Variants in SLF1 observed in about 807,000 individuals in gnomAD.
SLF1 encodes the protein SMC5-SMC6 complex localization factor protein 1.
A neutral mutation model predicts 123.0 loss-of-function variants in SLF1; 105 were observed. The observed-to-expected ratio is 0.85, with a 90% CI of 0.73 to 1.00. The LOEUF is 1.00. SLF1 is among the 50% of genes least tolerant of loss of function. The pLI is 0.00. For missense variants in SLF1, 1,239 were observed against 1,223.0 expected (o/e 1.01, Z -0.20); for synonymous variants, 434 against 406.6 (o/e 1.07, Z -0.81).
intron 9 of SLF1, among the ~76,000 whole-genome samples, chr5:94,656,103 T>G (rs1031611051): frequency 6.6e-6 from 1 of 152,126 alleles, no homozygotes; most frequent in Non-Finnish European, 1.5e-5. Context: ...TGACCTTTGT[T>G]ATGTTGAAGT....
Position 94,637,960 on chromosome 5 carries a change from G to T in SLF1, c.432-5313G>T, listed in dbSNP as rs148518629. 1.9e-4 allele frequency among the ~76,000 whole-genome samples: 29 copies of T among 152,050 alleles called. No homozygotes were observed. In the South Asian group the frequency reaches 2.3e-3, roughly 12 times the overall value. ...GATGTGGTGAGTCTCTCACTCCCTG[G>T]GTGAGGCCATGGGGTAGGATTTGAG... is the stretch of plus-strand genomic sequence containing the variant. On this transcript the variant is annotated intron_variant, in intron 4 of 20. Coordinates refer to ENST00000265140, the MANE Select transcript of SLF1 (RefSeq NM_032290.4).
At chr5:94,635,932 T>C (rs185835533) in intron 4 of SLF1, among the ~76,000 whole-genome samples, 1 of 152,346 alleles carries the variant, frequency 6.6e-6, no homozygotes, top group African/African-American at 2.4e-5. Flanking sequence ...AGTGGCCTTT[T>C]GATATAGCTT....
chr5:94,689,515 GA>G lies in SLF1; in HGVS notation c.2333del (p.Lys778ArgfsTer17). 1 of 1,612,210 alleles carries G rather than the reference GA, an allele frequency of 6.2e-7. No homozygotes were observed. The highest frequency in any genetic ancestry group is 1.3e-5 in the African/African-American group (1 of 74,950). The stretch of plus-strand genomic sequence containing the variant: ...AATGTTCCTCATCATTAAAAAAATT[GA>G]AAAAGAAGTCAGAAGGAGAATTGTC... ...AKCSSSLKKL[K>X]KKSEGELSCS... On this transcript the variant is annotated frameshift_variant, in exon 18 of 21. Transcript: ENST00000265140. LOFTEE classifies it high-confidence loss of function.
Position 94,691,948 on chromosome 5 carries a change from C to G in SLF1, c.2513-126C>G, listed in dbSNP as rs555061069. The G allele has an allele frequency of 7.0e-4, 584 of 831,952 alleles. 1 individual carries two copies. Among genetic ancestry groups the G allele is most frequent in the Middle Eastern group, 1.9e-3 (5 of 2,666 alleles). 51.5% of individuals were successfully genotyped at this position (831,952 alleles called of 1,614,324 possible). Reference sequence around the variant, plus strand: ...ATGATTACACCCTAGACATTTTTATCACAGCATTCTTTTTGTATATGAAGC... The same window carrying G: ...ATGATTACACCCTAGACATTTTTATGACAGCATTCTTTTTGTATATGAAGC... On this transcript the variant is annotated intron_variant, in intron 19 of 20. Transcript: ENST00000265140.
Position 94,666,126 on chromosome 5 carries a change from A to G in SLF1, c.1532+102A>G, listed in dbSNP as rs1749726676. On this transcript the variant is annotated intron_variant, in intron 12 of 20. Coordinates refer to ENST00000265140, the MANE Select transcript of SLF1 (RefSeq NM_032290.4). ...GAAAGAAGTATCTTTCTACTTTTGG[A>G]AAAGTTTTGTTGCAAATACAAATAT... The G allele has an allele frequency of 3.3e-6, 4 of 1,196,100 alleles. No homozygotes were observed. The South Asian group carries it at 5.2e-5, about 16-fold the overall frequency. 74.1% of individuals were successfully genotyped at this position (1,196,100 alleles called of 1,614,324 possible).
At chr5:94,637,834 T>C (rs1745990405) in intron 4 of SLF1, among the ~76,000 whole-genome samples, 1 of 152,066 alleles carries the variant, frequency 6.6e-6, no homozygotes, top group Non-Finnish European at 1.5e-5. Flanking sequence ...GGCGGTCCTT[T>C]CCCATCCTAA....
In SLF1 at chr5:94,663,911, A is replaced by G. The variant is rs1466297950; in HGVS notation, c.1368+3A>G. On this transcript the variant is annotated splice_donor_region_variant and intron_variant, in intron 11 of 20. Coordinates refer to ENST00000265140, the MANE Select transcript of SLF1 (RefSeq NM_032290.4). ...CCCTTCTAGAGAACGTTCTACAGGTAAGAGCAGCCTTAAGGATTTATAATC... is the reference window on the plus strand; with the variant it reads ...CCCTTCTAGAGAACGTTCTACAGGTGAGAGCAGCCTTAAGGATTTATAATC... The G allele has an allele frequency of 7.3e-6, 11 of 1,513,206 alleles. No homozygotes were observed. The highest frequency in any genetic ancestry group is 8.8e-6 in the Non-Finnish European group (10 of 1,134,378). 93.7% of individuals were successfully genotyped at this position (1,513,206 alleles called of 1,614,324 possible).
intron 5 of SLF1, among the ~76,000 whole-genome samples, chr5:94,648,697 GT>G (rs535322235): frequency 0.017 from 2,608 of 152,258 alleles, 43 homozygotes; most frequent in Non-Finnish European, 0.024. Context: ...GGGCAGGATG[GT>G]CTTGATCTTC....
chr5:94,657,273 T>G (rs557749947), intron 9 of SLF1, among the ~76,000 whole-genome samples: 20 of 152,106 alleles, frequency 1.3e-4, no homozygotes, highest in Admixed American at 2.6e-4. Context: ...AAGAAATGTT[T>G]TATTTCCTTC....
intron 15 of SLF1, among the ~76,000 whole-genome samples, chr5:94,681,157 T>C (rs542638818): frequency 6.6e-6 from 1 of 152,102 alleles, no homozygotes; most frequent in South Asian, 2.1e-4. Flanking sequence ...TGAGACAGAG[T>C]CTTACTCTGT....
intron 1 of SLF1, among the ~76,000 whole-genome samples, chr5:94,625,835 C>G (rs914495729): frequency 6.6e-6 from 1 of 152,124 alleles, no homozygotes; most frequent in Non-Finnish European, 1.5e-5. Flanking sequence ...CTGCATCAGA[C>G]TAAATCATTA....
intron 4 of SLF1, among the ~76,000 whole-genome samples, chr5:94,637,247 C>T (rs1232228910): frequency 6.6e-6 from 1 of 152,122 alleles, no homozygotes; most frequent in Non-Finnish European, 1.5e-5. Context: ...TGGGAGATCA[C>T]TGCTTGTGAT....
chr5:94,661,963 G>GT (rs967912022), intron 9 of SLF1, among the ~76,000 whole-genome samples: 7 of 152,018 alleles, frequency 4.6e-5, no homozygotes, highest in African/African-American at 1.7e-4. Context: ...CATAACTGAT[G>GT]TTTTTTTCTC....
rs188188976 is a variant in SLF1 at position 94,663,479 on chromosome 5, G to A, written c.1210-271G>A. ...GCCAACATGGTGAAACCCCGTCTCT[G>A]CTAAGAATACAAAAATCAGCTGGGT... On this transcript the variant is annotated intron_variant, in intron 10 of 20. Transcript: ENST00000265140. Among the ~76,000 whole-genome samples, 22 of 152,238 alleles carry A rather than the reference G, an allele frequency of 1.4e-4. 1 individual carries two copies. Among genetic ancestry groups the A allele is most frequent in the Admixed American group, 5.9e-4 (9 of 15,292 alleles).
chr5:94,653,340 A>T lies in SLF1; in HGVS notation c.951A>T (p.Gly317=). Residue 317 remains glycine, a synonymous_variant, in exon 8 of 21, where the codon GGA becomes GGT. Coordinates refer to ENST00000265140, the MANE Select transcript of SLF1 (RefSeq NM_032290.4). ...CTTTGAGGAGAAAACGCAAGAAAGG[A>T]AAAGAAAGCAATTGCAAGAAAGGCG... ...SYTLRRKRKK[G]KESNCKKGVE... 1 of 1,530,118 alleles carries T rather than the reference A, an allele frequency of 6.5e-7. No homozygotes were observed. Among genetic ancestry groups the T allele is most frequent in the Non-Finnish European group, 8.8e-7 (1 of 1,141,176 alleles). 94.8% of individuals were successfully genotyped at this position (1,530,118 alleles called of 1,614,324 possible).
chr5:94,692,509 T>G (rs1753151268), intron 20 of SLF1, among the ~76,000 whole-genome samples: 1 of 152,114 alleles, frequency 6.6e-6, no homozygotes, highest in African/African-American at 2.4e-5. Flanking sequence ...TGAGAGTCTG[T>G]TTTTGAATTG....
At chr5:94,683,936 CCCTTT>C (rs764276557) in intron 15 of SLF1, among the ~76,000 whole-genome samples, 2 of 152,180 alleles carry the variant, frequency 1.3e-5, no homozygotes, top group Non-Finnish European at 2.9e-5. Flanking sequence ...ACAAGTATGA[CCCTTT>C]CCTTAAAGTT....
At position 94,649,443 on chromosome 5, in the gene SLF1, C is replaced by T. The variant is rs375837234; in HGVS notation, c.595-11C>T. ...TAGATGATTGCCTAAACCATTTTTA[C>T]ATACATACAGAAAGAAATTCAGAAT... On this transcript the variant is annotated splice_polypyrimidine_tract_variant and intron_variant, in intron 5 of 20. Transcript: ENST00000265140. The T allele has an allele frequency of 2.2e-4, 326 of 1,480,408 alleles. No individual in the cohort carries two copies. Among genetic ancestry groups the T allele is most frequent in the Non-Finnish European group, 2.9e-4 (317 of 1,100,466 alleles). The allele number at this position is 1,480,408 out of a possible 1,614,324, so 91.7% of individuals were successfully genotyped here.
At position 94,636,467 on chromosome 5, in the gene SLF1, G is replaced by A. The variant is rs143037453; in HGVS notation, c.431+5724G>A. ...TTCATCCTTTGGGTTTTTTTGCTTC[G>A]CTGACTGGAAAATTTCAAACGTACT... is the stretch of plus-strand genomic sequence containing the variant. On this transcript the variant is annotated intron_variant, in intron 4 of 20. Coordinates refer to ENST00000265140, the MANE Select transcript of SLF1 (RefSeq NM_032290.4). Among the ~76,000 whole-genome samples, 262 of 151,686 alleles carry A rather than the reference G, an allele frequency of 1.7e-3. 1 individual carries two copies. The highest frequency in any genetic ancestry group is 2.8e-3 in the Non-Finnish European group (189 of 67,930).
Sources: gnomAD v4.1 joint callset for allele counts (sites outside exome capture counted in the v4.1 genomes callset) on GRCh38, gnomAD v4.1.1 for gene constraint, MANE v1.5 for transcripts, NCBI Gene and HGNC (gene_info 2026-07-23, HGNC 2026-07-21) for gene names.